SUPT5H: variants seen among roughly 807,000 people sequenced by gnomAD.
The protein encoded by SUPT5H is SPT5 homolog, DSIF elongation factor subunit.
In SUPT5H, 24 loss-of-function variants were observed where a neutral mutation model predicts 142.5. That is an observed-to-expected ratio of 0.17 (90% CI 0.12 to 0.24). SUPT5H has a LOEUF of 0.24. SUPT5H is among the 10% of genes least tolerant of loss of function. The pLI is 1.00. For synonymous variants in SUPT5H, 546 were observed against 553.0 expected (o/e 0.99, Z 0.18); for missense variants, 893 against 1,471.8 (o/e 0.61, Z 6.43).
Position 39,447,726 on chromosome 19 carries a change from C to CAT in SUPT5H, c.75+1762_75+1763insTA, listed in dbSNP as rs1416841729. 2.0e-5 allele frequency among the ~76,000 whole-genome samples: 3 copies of CAT among 152,158 alleles called. No homozygotes were observed. The East Asian group carries it at 5.8e-4, about 29-fold the overall frequency. ...GAGCCACTGCACCAAGCCCATTATC[C>CAT]ACCTTTTAAACTTATTTTTGTTTTA... is the stretch of plus-strand genomic sequence containing the variant. On this transcript the variant is annotated intron_variant, in intron 2 of 29. Coordinates refer to ENST00000432763, the MANE Select transcript of SUPT5H (RefSeq NM_001111020.3).
At position 39,474,087 on chromosome 19, in the gene SUPT5H, C is replaced by T; in HGVS notation, c.2617C>T (p.Gln873Ter). The T allele has an allele frequency of 6.2e-7, 1 of 1,604,668 alleles. No homozygotes were observed. The highest frequency in any genetic ancestry group is 8.5e-7 in the Non-Finnish European group (1 of 1,174,452). ...CCCCTCGTCCCCACAGGTCAACCCA[C>T]AATACAACCCGCAGACGCCAGGGAC... ...PDPSSPQVNP[Q>*]YNPQTPGTPA... The change falls in exon 26 of 30, where the codon CAA becomes TAA. Residue 873 changes from glutamine (Q) to a stop codon, truncating the protein, a stop_gained. Transcript: ENST00000432763. LOFTEE classifies it high-confidence loss of function. This position sits in a 1 kb window ranked among gnomAD's most constrained non-coding sequence, Gnocchi z 6.5.
At chr19:39,452,976 G>T (rs961142834) in intron 2 of SUPT5H, among the ~76,000 whole-genome samples, 3 of 149,394 alleles carry the variant, frequency 2.0e-5, no homozygotes, top group African/African-American at 7.4e-5. Flanking sequence ...TTCTGCCATG[G>T]CACTCTAGCC....
chr19:39,445,885 C>T lies in SUPT5H; in HGVS notation c.-6C>T, dbSNP rs1264146571. 1.2e-6 allele frequency: 2 copies of T among 1,613,390 alleles called. No homozygotes were observed. Among genetic ancestry groups the T allele is most frequent in the Admixed American group, 3.3e-5 (2 of 59,946 alleles). ...AGGCTGCTGTCTTTCCCAGCAGCAG[C>T]GGAAGATGTCGGACAGCGAGGACAG... On this transcript the variant is annotated 5_prime_UTR_variant, in exon 2 of 30. Transcript: ENST00000432763.
At position 39,474,760 on chromosome 19, in the gene SUPT5H, C is replaced by A; in HGVS notation, c.3024+42C>A. 6.4e-7 allele frequency: 1 copy of A among 1,563,388 alleles called. No homozygotes were observed. The highest frequency in any genetic ancestry group is 8.7e-7 in the Non-Finnish European group (1 of 1,152,702). Reference sequence around the variant, plus strand: ...GTGGTGGGTGAGCAGGCATCCTCTCCTTGGTACCCCCTAAACTGGAGACAG... The same window carrying A: ...GTGGTGGGTGAGCAGGCATCCTCTCATTGGTACCCCCTAAACTGGAGACAG... On this transcript the variant is annotated intron_variant, in intron 28 of 29. Transcript: ENST00000432763. The surrounding 1 kb of genome is among the most constrained non-coding windows in gnomAD (Gnocchi z 6.5).
In SUPT5H at chr19:39,472,764, G is replaced by C. The variant is rs531064230; in HGVS notation, c.2036-46G>C. 51 of 1,582,754 alleles carry C rather than the reference G, an allele frequency of 3.2e-5. No individual in the cohort carries two copies. In the African/African-American group the frequency reaches 5.8e-4, roughly 18 times the overall value. On this transcript the variant is annotated intron_variant, in intron 21 of 29. Coordinates refer to ENST00000432763, the MANE Select transcript of SUPT5H (RefSeq NM_001111020.3). This position sits in a 1 kb window ranked among gnomAD's most constrained non-coding sequence, Gnocchi z 4.2. ...GGGACGTTCTGATGGTGCCCTTGCT[G>C]TGGGCACAGCCGTGGGGGACCAGTG...
chr19:39,445,823 A>T lies in SUPT5H; in HGVS notation c.-68A>T. 6.4e-7 allele frequency: 1 copy of T among 1,570,640 alleles called. No individual in the cohort carries two copies. Among genetic ancestry groups the T allele is most frequent in the Non-Finnish European group, 8.7e-7 (1 of 1,152,170 alleles). ...TCCCAGGGAACCAGCGGGGAAACTG[A>T]GGCTCGGGGTGGAGCGCAGGATTGT... On this transcript the variant is annotated 5_prime_UTR_variant, in exon 2 of 30. Coordinates refer to ENST00000432763, the MANE Select transcript of SUPT5H (RefSeq NM_001111020.3).
At chr19:39,454,933 G>T (rs561572709) in intron 3 of SUPT5H, among the ~76,000 whole-genome samples, 1 of 152,340 alleles carries the variant, frequency 6.6e-6, no homozygotes, top group Admixed American at 6.5e-5. Context: ...CCATATGTTG[G>T]TGGTGGAAGT....
chr19:39,466,445 T>A lies in SUPT5H; in HGVS notation c.877-35T>A, dbSNP rs776722882. 1 of 1,591,472 alleles carries A rather than the reference T, an allele frequency of 6.3e-7. No homozygotes were observed. Among genetic ancestry groups the A allele is most frequent in the East Asian group, 2.2e-5 (1 of 44,758 alleles). On this transcript the variant is annotated intron_variant, in intron 11 of 29. Coordinates refer to ENST00000432763, the MANE Select transcript of SUPT5H (RefSeq NM_001111020.3). This position sits in a 1 kb window ranked among gnomAD's most constrained non-coding sequence, Gnocchi z 4.3. ...TTGTGTCTGGGGTCAGGGAGGAGAG[T>A]GGGGCCCTGCTGACCTTCTGCTCGC... is the stretch of plus-strand genomic sequence containing the variant.
intron 11 of SUPT5H, 102 bp downstream of exon 11, chr19:39,465,151 T>C (rs1560730): frequency 0.55 from 812,305 of 1,485,868 alleles, 225,801 homozygotes; most frequent in African/African-American, 0.8. Context: ...GAGAATAGAA[T>C]CCCACTCAGA....
In SUPT5H at chr19:39,469,232, C is replaced by G. The variant is rs753479788; in HGVS notation, c.1238-30C>G. On this transcript the variant is annotated intron_variant, in intron 15 of 29. Coordinates refer to ENST00000432763, the MANE Select transcript of SUPT5H (RefSeq NM_001111020.3). This position sits in a 1 kb window ranked among gnomAD's most constrained non-coding sequence, Gnocchi z 5.1. ...GCAGGGGCGGCCCATGGTGGCAACC[C>G]CCGAGTCAGCCCTACGACTGCCCCT... 1 of 1,614,116 alleles carries G rather than the reference C, an allele frequency of 6.2e-7. No individual in the cohort carries two copies. The highest frequency in any genetic ancestry group is 8.5e-7 in the Non-Finnish European group (1 of 1,179,988).
chr19:39,451,354 G>GTT (rs74889413), intron 2 of SUPT5H, among the ~76,000 whole-genome samples: 3 of 141,986 alleles, frequency 2.1e-5, no homozygotes, highest in Non-Finnish European at 1.6e-5. Context: ...GCCTGGCTAG[G>GTT]TTTTTTTTTT....
chr19:39,461,557 T>C (rs983391439), intron 10 of SUPT5H, among the ~76,000 whole-genome samples: 1 of 151,996 alleles, frequency 6.6e-6, no homozygotes, highest in Non-Finnish European at 1.5e-5. Flanking sequence ...GCGCGGTGGC[T>C]CACGCCTGTA....
At position 39,453,475 on chromosome 19, in the gene SUPT5H, AC is replaced by A; in HGVS notation, c.201del (p.Lys68ArgfsTer33). 1.3e-6 allele frequency: 2 copies of A among 1,546,356 alleles called. No individual in the cohort carries two copies. Among genetic ancestry groups the A allele is most frequent in the South Asian group, 1.2e-5 (1 of 83,178 alleles). On this transcript the variant is annotated frameshift_variant, in exon 3 of 30. Coordinates refer to ENST00000432763, the MANE Select transcript of SUPT5H (RefSeq NM_001111020.3). LOFTEE classifies it high-confidence loss of function. ...EEEEEEDDDRPPKKPRHGGFI... is the reference protein window; with the variant it reads ...EEEEEEDDDRXPKKPRHGGFI... The stretch of plus-strand genomic sequence containing the variant: ...AAGAGGAGGAAGAAGATGATGACCG[AC>A]CCCCCAAGAAACCCCGCCATGGAGG...
chr19:39,449,682 C>T lies in SUPT5H; in HGVS notation c.76-3674C>T, dbSNP rs113119392. ...TTTGTCTTGGTGTCTTGCTCTGTCACCCAGGCTGGAGTGCAGTGGCACGAT... is the reference window on the plus strand; with the variant it reads ...TTTGTCTTGGTGTCTTGCTCTGTCATCCAGGCTGGAGTGCAGTGGCACGAT... On this transcript the variant is annotated intron_variant, in intron 2 of 29. Coordinates refer to ENST00000432763, the MANE Select transcript of SUPT5H (RefSeq NM_001111020.3). Among the ~76,000 whole-genome samples the T allele has an allele frequency of 1.7e-3, 253 of 151,564 alleles. 1 individual carries two copies. The highest frequency in any genetic ancestry group is 5.7e-3 in the African/African-American group (234 of 41,304).
Position 39,466,599 on chromosome 19 carries a change from G to A in SUPT5H, c.966+30G>A, listed in dbSNP as rs201574398. On this transcript the variant is annotated intron_variant, in intron 12 of 29. Coordinates refer to ENST00000432763, the MANE Select transcript of SUPT5H (RefSeq NM_001111020.3). The surrounding 1 kb of genome is among the most constrained non-coding windows in gnomAD (Gnocchi z 4.3). ...TCAGGGGAATCTGTGGCCTGGGGGG[G>A]AGGGAGTGTGCTCGATCCCACTGGT... is the stretch of plus-strand genomic sequence containing the variant. 2.3e-4 allele frequency: 363 copies of A among 1,613,012 alleles called. 2 individuals carry two copies. The African/African-American group carries it at 4.4e-3, about 19-fold the overall frequency.
intron 10 of SUPT5H, 62 bp downstream of exon 10, chr19:39,460,022 T>G: frequency 1.9e-6 from 3 of 1,567,870 alleles, no homozygotes; most frequent in Non-Finnish European, 1.8e-6. Context: ...GGAAGAACAT[T>G]GTCAACTTCA....
Position 39,476,550 on chromosome 19 carries a change from C to A in SUPT5H, c.*151C>A. ...CTTTTAGTTTTCCATCTTTTCCCTC[C>A]CTGGTGCTCATTGGAATCTGAGTAG... On this transcript the variant is annotated 3_prime_UTR_variant, in exon 30 of 30. Transcript: ENST00000432763. The A allele has an allele frequency of 9.6e-7, 1 of 1,042,370 alleles. No individual in the cohort carries two copies. The allele number at this position is 1,042,370 out of a possible 1,614,324, so 64.6% of individuals were successfully genotyped here. A position where few individuals can be genotyped will look rare whatever the true frequency, so the allele number is the denominator to read the frequency against.
At position 39,472,572 on chromosome 19, in the gene SUPT5H, G is replaced by A; in HGVS notation, c.2035+79G>A. 6.6e-7 allele frequency: 1 copy of A among 1,525,980 alleles called. No individual in the cohort carries two copies. The highest frequency in any genetic ancestry group is 1.1e-5 in the South Asian group (1 of 88,046). The allele number at this position is 1,525,980 out of a possible 1,614,324, so 94.5% of individuals were successfully genotyped here. ...CTTGGTTGTTCAGCCTACACTCACT[G>A]AGTGCCTGTGCTGGGCTGGGCACTG... is the stretch of plus-strand genomic sequence containing the variant. On this transcript the variant is annotated intron_variant, in intron 21 of 29. Transcript: ENST00000432763. The surrounding 1 kb of genome is among the most constrained non-coding windows in gnomAD (Gnocchi z 4.2).
In SUPT5H at chr19:39,476,225, T is replaced by C. The variant is rs201965437; in HGVS notation, c.3121-31T>C. ...AAGATGGGGCCGTTGGGTGCTGACA[T>C]GGACCCTGACCATATTCCCCCCACC... On this transcript the variant is annotated intron_variant, in intron 29 of 29. Coordinates refer to ENST00000432763, the MANE Select transcript of SUPT5H (RefSeq NM_001111020.3). 1.6e-4 allele frequency: 256 copies of C among 1,613,874 alleles called. 1 individual carries two copies. The African/African-American group carries it at 2.6e-3, about 16-fold the overall frequency.
Sources: allele counts gnomAD v4.1 joint callset (sites outside exome capture counted in the v4.1 genomes callset), GRCh38; gene constraint gnomAD v4.1.1; non-coding constraint Gnocchi (gnomAD v3.1); transcripts MANE v1.5; gene names NCBI Gene and HGNC (gene_info 2026-07-23, HGNC 2026-07-21).